Variants in PRH1 observed in about 807,000 individuals in gnomAD.
The protein encoded by PRH1 is proline rich protein HaeIII subfamily 1.
PRH1 carries 7 observed loss-of-function variants against 7.9 expected under a neutral mutation model. The observed-to-expected ratio is 0.89, with a 90% CI of 0.50 to 1.67. The LOEUF (loss-of-function observed/expected upper bound fraction) is 1.67. Ranked by LOEUF, PRH1 falls within the 40% of genes most tolerant of loss-of-function variation. PRH1 has a pLI of 0.00. For synonymous variants in PRH1, 45 were observed against 80.8 expected (o/e 0.56, Z 2.38); for missense variants, 109 against 223.6 (o/e 0.49, Z 3.27).
chr12:11,121,861 G>A (rs1400909099), intron 1 of PRH1, among the ~76,000 whole-genome samples: 1 of 152,080 alleles, frequency 6.6e-6, no homozygotes, highest in Non-Finnish European at 1.5e-5. Context: ...AAAATTAGAT[G>A]TTCAAACAAT....
intron 1 of PRH1, among the ~76,000 whole-genome samples, chr12:11,065,076 T>A (rs527655071): frequency 0.024 from 3,638 of 152,134 alleles, 64 homozygotes; most frequent in Non-Finnish European, 0.038. Flanking sequence ...ATTTTTCTAT[T>A]ATCTGAAAAA....
At chr12:11,030,392 C>A (rs760475479) in intron 1 of PRH1, 11 of 1,608,308 alleles carry the variant, frequency 6.8e-6, no homozygotes, top group Non-Finnish European at 9.3e-6. Flanking sequence ...ACACACAATG[C>A]CCCTCTCATG....
At chr12:11,018,999 A>AACAAGC (rs1223410313) in intron 1 of PRH1, among the ~76,000 whole-genome samples, 1 of 152,194 alleles carries the variant, frequency 6.6e-6, no homozygotes, top group African/African-American at 2.4e-5. Context: ...GAAAAGAGAA[A>AACAAGC]AAATAAATTA....
At chr12:10,919,097 T>C (rs1380958815) in intron 2 of PRH1, among the ~76,000 whole-genome samples, 2 of 152,150 alleles carry the variant, frequency 1.3e-5, no homozygotes, top group Non-Finnish European at 2.9e-5. Flanking sequence ...TTGTTTACTT[T>C]TTCAATTCTA....
chr12:11,134,276 G>A, intron 1 of PRH1: 1 of 1,573,032 alleles, frequency 6.4e-7, no homozygotes, highest in Non-Finnish European at 8.6e-7. Flanking sequence ...TTTTTAAAAT[G>A]CTGGTGTAAT....
downstream of PRH1, chr12:11,120,798 A>C (rs908920930): frequency 3.3e-5 from 5 of 152,244 alleles, no homozygotes; most frequent in African/African-American, 4.8e-5. Context: ...TCTTTGGCCC[A>C]CTATTTCACG....
chr12:10,922,550 G>A, intron 2 of PRH1, among the ~76,000 whole-genome samples: 1 of 152,116 alleles, frequency 6.6e-6, no homozygotes, highest in East Asian at 1.9e-4. Flanking sequence ...GTGTGTAAAT[G>A]TTTCATGTGT....
chr12:11,050,796 T>C (rs1452014171), upstream of PRH1, among the ~76,000 whole-genome samples: 4 of 152,296 alleles, frequency 2.6e-5, no homozygotes, highest in East Asian at 5.8e-4. Flanking sequence ...AGGAAATTAG[T>C]AGACTTTACA....
intron 1 of PRH1, among the ~76,000 whole-genome samples, chr12:11,058,213 T>C (rs565672864): frequency 6.6e-5 from 10 of 152,248 alleles, no homozygotes; most frequent in Non-Finnish European, 1.2e-4. Context: ...TCCAGCCTCA[T>C]GGACAGAATG....
At chr12:11,065,825 G>A (rs1380910103) in intron 1 of PRH1, among the ~76,000 whole-genome samples, 1 of 152,152 alleles carries the variant, frequency 6.6e-6, no homozygotes, top group Non-Finnish European at 1.5e-5. Context: ...GCATTCTCCT[G>A]CAACTTGGAA....
At chr12:11,133,824 C>A in intron 1 of PRH1, 1 of 1,614,048 alleles carries the variant, frequency 6.2e-7, no homozygotes, top group Non-Finnish European at 8.5e-7. Flanking sequence ...AGATGACAAA[C>A]CAAAAATAGC....
intron 1 of PRH1, among the ~76,000 whole-genome samples, chr12:11,130,627 T>C (rs1164085686): frequency 9.5e-6 from 1 of 105,372 alleles, no homozygotes; most frequent in Admixed American, 1.0e-4. Flanking sequence ...GCATGCATAG[T>C]GGGCATTATA....
intron 1 of PRH1, among the ~76,000 whole-genome samples, chr12:11,002,376 C>G (rs1429688866): frequency 1.3e-5 from 2 of 152,002 alleles, no homozygotes; most frequent in Non-Finnish European, 2.9e-5. Flanking sequence ...AGACAAAGAT[C>G]CTCAGACAGT....
At chr12:11,117,917 T>C (rs989505442), downstream of PRH1, among the ~76,000 whole-genome samples, 1 of 152,138 alleles carries the variant, frequency 6.6e-6, no homozygotes, top group African/African-American at 2.4e-5. Context: ...CAAATCAAAA[T>C]GGATTAAAGA....
At chr12:10,902,882 A>T (rs1033029632) in intron 2 of PRH1, among the ~76,000 whole-genome samples, 4 of 152,192 alleles carry the variant, frequency 2.6e-5, no homozygotes, top group Non-Finnish European at 4.4e-5. Flanking sequence ...AGTTCTAAAC[A>T]TGAAAATCTG....
intron 1 of PRH1, chr12:11,166,284 C>G (rs1290112808): frequency 6.6e-6 from 1 of 152,470 alleles, no homozygotes; most frequent in African/African-American, 2.4e-5. Flanking sequence ...TCCTGGTGTT[C>G]ATGCAGAGTC....
At chr12:10,939,342 C>T (rs866185230) in intron 2 of PRH1, 10 of 573,270 alleles carry the variant, frequency 1.7e-5, no homozygotes, top group Middle Eastern at 4.6e-4. Context: ...GTTAAACCAG[C>T]AACCATCCAG....
chr12:11,025,989 G>GAA (rs1174505651), intron 1 of PRH1, among the ~76,000 whole-genome samples: 2 of 23,046 alleles, frequency 8.7e-5, no homozygotes, highest in Admixed American at 7.4e-4. Flanking sequence ...TGTTTTACTC[G>GAA]ATACTGTTTT....
intron 1 of PRH1, among the ~76,000 whole-genome samples, chr12:11,046,042 T>A (rs1245677333): frequency 6.6e-6 from 1 of 152,102 alleles, no homozygotes; most frequent in African/African-American, 2.4e-5. Context: ...CGCTTGAGAA[T>A]TTTGCACATC....
Sources: allele counts gnomAD v4.1 joint callset (sites outside exome capture counted in the v4.1 genomes callset), GRCh38; gene constraint gnomAD v4.1.1; transcripts MANE v1.5; gene names NCBI Gene and HGNC (gene_info 2026-07-23, HGNC 2026-07-21).